NEDD9: variants seen among roughly 807,000 people sequenced by gnomAD.
NEDD9 encodes the protein enhancer of filamentation 1.
Under a neutral mutation model 76.6 loss-of-function variants are expected in NEDD9, and 26 were observed. That is an observed-to-expected ratio of 0.34 (90% CI 0.25 to 0.47). The LOEUF (loss-of-function observed/expected upper bound fraction) is 0.47, where lower values mean the gene tolerates loss of function less well. Ranked by LOEUF, NEDD9 falls within the 20% of genes least tolerant of loss-of-function variation. The pLI is 1.00. For missense variants in NEDD9, 937 were observed against 1,058.5 expected, an observed-to-expected ratio of 0.89 and a Z score of 1.59; for synonymous variants, 392 against 414.2, an observed-to-expected ratio of 0.95 and a Z score of 0.65.
intron 1 of NEDD9, among the ~76,000 whole-genome samples, chr6:11,338,480 A>C: frequency 6.6e-6 from 1 of 152,206 alleles, no homozygotes; most frequent in East Asian, 1.9e-4. Context: ...TAGCAAACTA[A>C]TACTCTCAGG....
At chr6:11,276,406 T>C (rs1353367517) in intron 3 of NEDD9, among the ~76,000 whole-genome samples, 2 of 152,236 alleles carry the variant, frequency 1.3e-5, no homozygotes. Context: ...CATGTGTGTG[T>C]GCACGTGTGT....
At chr6:11,247,719 C>T (rs1007078239) in intron 3 of NEDD9, among the ~76,000 whole-genome samples, 5 of 152,080 alleles carry the variant, frequency 3.3e-5, no homozygotes, top group African/African-American at 2.4e-5. Context: ...AACACAAACA[C>T]GAGATTGGCT....
intron 3 of NEDD9, among the ~76,000 whole-genome samples, chr6:11,275,051 A>G (rs1324106554): frequency 6.6e-6 from 1 of 152,240 alleles, no homozygotes; most frequent in East Asian, 1.9e-4. Flanking sequence ...TATAGATAGT[A>G]GAATACTACA....
intron 2 of NEDD9, among the ~76,000 whole-genome samples, chr6:11,307,647 TAC>T (rs558698454): frequency 6.6e-6 from 1 of 152,000 alleles, no homozygotes; most frequent in Non-Finnish European, 1.5e-5. Context: ...TATATATATA[TAC>T]ACACACACAT....
chr6:11,224,923 T>C (rs1759260833), intron 1 of NEDD9, among the ~76,000 whole-genome samples: 1 of 152,162 alleles, frequency 6.6e-6, no homozygotes, highest in Admixed American at 6.5e-5. Flanking sequence ...TACCAAGAGA[T>C]AGCACAGTGT....
rs1581938639 is a variant in NEDD9, at chr6:11,185,414, G to A, written c.2253C>T (p.Leu751=). ...IFVAHSKFVI[L]SAHKLVFIGD... Reference sequence around the variant, plus strand: ...CAATGAACACCAGTTTGTGTGCACTGAGGATGACAAACTTGCTGTGTGCCA... The same window carrying A: ...CAATGAACACCAGTTTGTGTGCACTAAGGATGACAAACTTGCTGTGTGCCA... The change falls in exon 7 of 7, where the codon CTC becomes CTT. Residue 751 remains leucine (L), a synonymous_variant. Transcript: ENST00000379446. 1 of 1,614,252 alleles carries A rather than the reference G, an allele frequency of 6.2e-7. No homozygotes were observed.
At chr6:11,232,388 CT>C in intron 1 of NEDD9, 115 bp downstream of exon 1, 6 of 1,345,580 alleles carry the variant, frequency 4.5e-6, no homozygotes, top group Non-Finnish European at 6.3e-6. Flanking sequence ...CGAGACTCAT[CT>C]TAGAACTCTC....
At chr6:11,273,597 C>T (rs1233689223) in intron 3 of NEDD9, among the ~76,000 whole-genome samples, 2 of 152,158 alleles carry the variant, frequency 1.3e-5, no homozygotes, top group Non-Finnish European at 2.9e-5. Flanking sequence ...CCTTTCCGGC[C>T]GGCAGATTCC....
upstream of NEDD9, among the ~76,000 whole-genome samples, chr6:11,236,145 G>A (rs1382092033): frequency 6.6e-6 from 1 of 152,158 alleles, no homozygotes; most frequent in Non-Finnish European, 1.5e-5. This position sits in a 1 kb window ranked among gnomAD's most constrained non-coding sequence, Gnocchi z 5.5. Flanking sequence ...ATGCAAAAAT[G>A]ATGTTTAAAC....
At chr6:11,322,960 TCCCGG>T (rs1303686260) in intron 2 of NEDD9, among the ~76,000 whole-genome samples, 1 of 152,248 alleles carries the variant, frequency 6.6e-6, no homozygotes, top group Non-Finnish European at 1.5e-5. Context: ...ACTTATTAAT[TCCCGG>T]CATGGGAGTC....
intron 1 of NEDD9, among the ~76,000 whole-genome samples, chr6:11,228,118 G>T (rs1289566971): frequency 6.6e-6 from 1 of 151,922 alleles, no homozygotes; most frequent in East Asian, 1.9e-4. Flanking sequence ...TGGGGAGTAG[G>T]GGGTTGGAAG....
In NEDD9 at chr6:11,344,977, C is replaced by T. The variant is rs540063293; in HGVS notation, c.-213-10416G>A. Among the ~76,000 whole-genome samples the T allele has an allele frequency of 2.6e-5, 4 of 152,138 alleles. No homozygotes were observed. In the South Asian group the frequency reaches 8.3e-4, roughly 32 times the overall value. On this transcript the variant is annotated intron_variant, in intron 1 of 3. Transcript: ENST00000397378. Reference sequence around the variant, plus strand: ...AAAATTATAAATGCCAGGAGTCAGCCCTTTCAACAAAAAGGAAAGGAATCT... The same window carrying T: ...AAAATTATAAATGCCAGGAGTCAGCTCTTTCAACAAAAAGGAAAGGAATCT...
chr6:11,310,218 C>A (rs1019915917), intron 2 of NEDD9, among the ~76,000 whole-genome samples: 1 of 152,196 alleles, frequency 6.6e-6, no homozygotes, highest in Non-Finnish European at 1.5e-5. Context: ...GCATCTGTTC[C>A]TCCAGGAAGC....
intron 1 of NEDD9, among the ~76,000 whole-genome samples, chr6:11,358,975 T>C (rs997230102): frequency 6.6e-6 from 1 of 152,194 alleles, no homozygotes; most frequent in Non-Finnish European, 1.5e-5. Flanking sequence ...TTAAAGTTCA[T>C]CTTCTTAGTG....
At chr6:11,330,710 T>G (rs1479346723) in intron 2 of NEDD9, among the ~76,000 whole-genome samples, 1 of 152,190 alleles carries the variant, frequency 6.6e-6, no homozygotes, top group East Asian at 1.9e-4. Flanking sequence ...CCCCAAGCAC[T>G]GAAATATTTT....
chr6:11,195,776 C>T (rs1489358720), intron 2 of NEDD9, among the ~76,000 whole-genome samples: 1 of 152,180 alleles, frequency 6.6e-6, no homozygotes, highest in Non-Finnish European at 1.5e-5. Flanking sequence ...GGGAGAATCA[C>T]CTAAGGTCAG....
chr6:11,367,298 G>A (rs1031717664), intron 1 of NEDD9, among the ~76,000 whole-genome samples: 1 of 152,236 alleles, frequency 6.6e-6, no homozygotes, highest in Non-Finnish European at 1.5e-5. Context: ...AAAGCTTACC[G>A]ATGGCTGGAT....
rs796698181 is a variant in NEDD9 at position 11,193,310 on chromosome 6, T to TA, written c.561+280dup. The stretch of plus-strand genomic sequence containing the variant: ...TGGGCAACAAAGTGAGATTCTGTCT[T>TA]AAAAAAAAAAAAAAGAAAAAAGAAA... On this transcript the variant is annotated intron_variant, in intron 3 of 6. Coordinates refer to ENST00000379446, the MANE Select transcript of NEDD9 (RefSeq NM_006403.4). 5.4e-3 allele frequency among the ~76,000 whole-genome samples: 743 copies of TA among 136,538 alleles called. 6 individuals carry two copies. The highest frequency in any genetic ancestry group is 0.016 in the African/African-American group (597 of 36,974). 89.6% of individuals were successfully genotyped at this position (136,538 alleles called of 152,430 possible).
intron 2 of NEDD9, among the ~76,000 whole-genome samples, chr6:11,331,278 A>G (rs1031743580): frequency 1.3e-5 from 2 of 149,194 alleles, no homozygotes; most frequent in Admixed American, 6.7e-5. Flanking sequence ...TTCTGTCCAG[A>G]GAGACGCAAG....
Sources: gnomAD v4.1 joint callset for allele counts (sites outside exome capture counted in the v4.1 genomes callset) on GRCh38, gnomAD v4.1.1 for gene constraint, Gnocchi (gnomAD v3.1) non-coding constraint, MANE v1.5 for transcripts, NCBI Gene and HGNC (gene_info 2026-07-23, HGNC 2026-07-21) for gene names.